Variants in ATRNL1 observed in about 807,000 individuals in gnomAD.
The protein encoded by ATRNL1 is attractin like 1.
In ATRNL1, 95 loss-of-function variants were observed where a neutral mutation model predicts 182.7. That is an observed-to-expected ratio of 0.52 (90% confidence interval 0.44 to 0.62). The LOEUF is 0.62. Among genes scored for constraint, ATRNL1 ranks in the 20% least tolerant of loss-of-function variants. The pLI is 0.00. For synonymous variants in ATRNL1, 576 were observed against 568.3 expected (o/e 1.01, Z -0.19); for missense variants, 1,471 against 1,679.5 (o/e 0.88, Z 2.17).
At chr10:115,096,539 T>G in intron 1 of ATRNL1, 1 of 597,354 alleles carries the variant, frequency 1.7e-6, no homozygotes, top group Non-Finnish European at 2.7e-6. Context: ...AACTGAAGGA[T>G]AGCAACCTTA....
At chr10:115,205,381 G>A (rs1194019465) in intron 8 of ATRNL1, among the ~76,000 whole-genome samples, 7 of 151,596 alleles carry the variant, frequency 4.6e-5, no homozygotes, top group Non-Finnish European at 1.0e-4. Context: ...TAATCATGCT[G>A]TTTTGATTTT....
At chr10:115,237,045 T>C (rs1477582411) in intron 9 of ATRNL1, among the ~76,000 whole-genome samples, 1 of 152,194 alleles carries the variant, frequency 6.6e-6, no homozygotes, top group Non-Finnish European at 1.5e-5. Flanking sequence ...CAATAAGCAT[T>C]TAAAGTTCCT....
intron 26 of ATRNL1, among the ~76,000 whole-genome samples, chr10:115,722,785 A>C (rs1481825418): frequency 6.6e-6 from 1 of 152,158 alleles, no homozygotes; most frequent in African/African-American, 2.4e-5. Context: ...CAGTATTGCC[A>C]TAAGCTAGAT....
At chr10:115,927,043 C>G (rs1013710906) in intron 28 of ATRNL1, among the ~76,000 whole-genome samples, 1 of 152,130 alleles carries the variant, frequency 6.6e-6, no homozygotes, top group African/African-American at 2.4e-5. Context: ...CCAAATCCAG[C>G]AGCACATCAG....
chr10:115,691,283 T>A (rs536428668), intron 26 of ATRNL1, among the ~76,000 whole-genome samples: 22 of 152,288 alleles, frequency 1.4e-4, no homozygotes, highest in Admixed American at 1.1e-3. Context: ...TTACCAACAT[T>A]GATTATCTTT....
intron 11 of ATRNL1, among the ~76,000 whole-genome samples, chr10:115,266,221 C>G (rs1159538438): frequency 2.0e-5 from 3 of 151,488 alleles, no homozygotes; most frequent in Non-Finnish European, 3.0e-5. Flanking sequence ...TTAGTATTGT[C>G]TAGGCTTCTC....
At chr10:115,197,155 A>AT (rs1848394114) in intron 8 of ATRNL1, among the ~76,000 whole-genome samples, 1 of 150,320 alleles carries the variant, frequency 6.7e-6, no homozygotes, top group African/African-American at 2.4e-5. Flanking sequence ...TCATTTTCTG[A>AT]TTTTTTAATA....
At chr10:115,724,839 G>A (rs1367860774) in intron 26 of ATRNL1, among the ~76,000 whole-genome samples, 2 of 152,084 alleles carry the variant, frequency 1.3e-5, no homozygotes, top group African/African-American at 4.8e-5. Context: ...AGATAATCAC[G>A]ATTTACTCCA....
chr10:115,808,999 G>A (rs1284780135), intron 27 of ATRNL1, among the ~76,000 whole-genome samples: 1 of 151,858 alleles, frequency 6.6e-6, no homozygotes, highest in Non-Finnish European at 1.5e-5. Context: ...TTGTATTTTG[G>A]CACATGTTTT....
chr10:115,395,404 T>A (rs1255962100), intron 20 of ATRNL1, among the ~76,000 whole-genome samples: 1 of 151,952 alleles, frequency 6.6e-6, no homozygotes, highest in Admixed American at 6.6e-5. Context: ...TTAAACCTTT[T>A]AAAGAACAAT....
chr10:115,346,643 A>G (rs1855987324), intron 19 of ATRNL1, among the ~76,000 whole-genome samples: 1 of 152,040 alleles, frequency 6.6e-6, no homozygotes, highest in Non-Finnish European at 1.5e-5. Context: ...CTTTGTGAGT[A>G]TTTGTGTCTT....
At chr10:115,285,608 AGTAT>A (rs1564880570) in intron 14 of ATRNL1, among the ~76,000 whole-genome samples, 1 of 152,102 alleles carries the variant, frequency 6.6e-6, no homozygotes, top group African/African-American at 2.4e-5. Flanking sequence ...ATTACTGAAC[AGTAT>A]GTTTCATTTT....
At chr10:115,610,107 G>T (rs1857078736) in intron 26 of ATRNL1, among the ~76,000 whole-genome samples, 2 of 152,080 alleles carry the variant, frequency 1.3e-5, no homozygotes, top group Non-Finnish European at 1.5e-5. Context: ...CAGTTTGTGA[G>T]ATGAATAAAA....
rs868907331 is a variant in ATRNL1, at chr10:115,366,035, C to T, written c.3176-28624C>T. On this transcript the variant is annotated intron_variant, in intron 19 of 28. Transcript: ENST00000355044. ...GAGTTCTGTAGATGTCTATTAGGTC[C>T]ACTTGGTGCAGAGCTGAGTTCAATT... Among the ~76,000 whole-genome samples, 5 of 151,982 alleles carry T rather than the reference C, an allele frequency of 3.3e-5. No homozygotes were observed. The Middle Eastern group carries it at 0.01, about 310-fold the overall frequency.
chr10:115,914,243 C>T lies in ATRNL1; in HGVS notation c.4019-30415C>T, dbSNP rs1428497265. 4.6e-5 allele frequency among the ~76,000 whole-genome samples: 7 copies of T among 152,300 alleles called. No individual in the cohort carries two copies. The South Asian group carries it at 1.5e-3, about 32-fold the overall frequency. On this transcript the variant is annotated intron_variant, in intron 28 of 28. Transcript: ENST00000355044. ...ACTGTGAGTCAATTAAACCTCTTTT[C>T]TTTGTAATTTACCCAATCTCAGATA...
At position 115,176,425 on chromosome 10, in the gene ATRNL1, C is replaced by T. The variant is rs72836571; in HGVS notation, c.1348+5133C>T. Among the ~76,000 whole-genome samples, 774 of 152,090 alleles carry T rather than the reference C, an allele frequency of 5.1e-3. 4 individuals are homozygous for T. Among genetic ancestry groups the T allele is most frequent in the Middle Eastern group, 0.017 (5 of 294 alleles). The stretch of plus-strand genomic sequence containing the variant: ...GTTTTGGCTGCATGTTGTAAATAAA[C>T]TTTATGGAAGAAAGAACAGAAAGAG... On this transcript the variant is annotated intron_variant, in intron 8 of 28. Transcript: ENST00000355044.
At chr10:115,153,937 A>G (rs1158327700) in intron 5 of ATRNL1, among the ~76,000 whole-genome samples, 3 of 151,784 alleles carry the variant, frequency 2.0e-5, no homozygotes, top group East Asian at 1.9e-4. Flanking sequence ...TTTCAAGAAC[A>G]TCTTTATTTC....
chr10:115,930,015 A>T (rs2134589661), intron 28 of ATRNL1, among the ~76,000 whole-genome samples: 1 of 152,238 alleles, frequency 6.6e-6, no homozygotes, highest in African/African-American at 2.4e-5. Flanking sequence ...ATGCTTACAT[A>T]TTAAAATATT....
intron 28 of ATRNL1, among the ~76,000 whole-genome samples, chr10:115,867,665 G>T (rs1474536319): frequency 6.6e-6 from 1 of 151,326 alleles, no homozygotes; most frequent in Non-Finnish European, 1.5e-5. Context: ...GGAACACACA[G>T]TTTCTCACAG....
Sources: gnomAD v4.1 joint callset for allele counts (sites outside exome capture counted in the v4.1 genomes callset) on GRCh38, gnomAD v4.1.1 for gene constraint, MANE v1.5 for transcripts, NCBI Gene and HGNC (gene_info 2026-07-23, HGNC 2026-07-21) for gene names.